The following CAST variants were observed in gnomAD, a reference collection of about 807,000 sequenced individuals.
CAST encodes MIR583 host.
In CAST, 76 loss-of-function variants were observed where a neutral mutation model predicts 119.6. That is an observed-to-expected ratio of 0.64 (90% CI 0.53 to 0.77). The LOEUF (loss-of-function observed/expected upper bound fraction) is 0.77, where lower values mean the gene tolerates loss of function less well. Ranked by LOEUF, CAST falls within the 30% of genes least tolerant of loss-of-function variation. The probability of loss-of-function intolerance (pLI) is 0.00; values close to 1 mark genes in which losing one functional copy is unlikely to be tolerated. For synonymous variants in CAST, 319 were observed against 331.6 expected (o/e 0.96, Z 0.41); for missense variants, 953 against 946.5 (o/e 1.01, Z -0.09).
chr5:96,637,011 G>T (rs1259879588), intron 1 of CAST, among the ~76,000 whole-genome samples: 1 of 152,174 alleles, frequency 6.6e-6, no homozygotes, highest in Non-Finnish European at 1.5e-5. Flanking sequence ...CCCCTCTGGG[G>T]TTCCCTCTCT....
At chr5:96,256,710 CGAA>C in the CAST span, among the ~76,000 whole-genome samples, 1 of 151,568 alleles carries the variant, frequency 6.6e-6, no homozygotes, top group Non-Finnish European at 1.5e-5. Context: ...TGCAGTTGAT[CGAA>C]ATGTCATTAG....
chr5:96,289,389 C>T, the CAST span, among the ~76,000 whole-genome samples: 1 of 151,978 alleles, frequency 6.6e-6, no homozygotes. Flanking sequence ...CCCATAATGC[C>T]CACGTGTTGT....
chr5:96,707,152 A>C (rs189703769), intron 3 of CAST, among the ~76,000 whole-genome samples: 2 of 152,204 alleles, frequency 1.3e-5, no homozygotes, highest in Non-Finnish European at 2.9e-5. Flanking sequence ...TGGTAAATAC[A>C]TCTCCTTAGC....
chr5:96,276,527 A>T, the CAST span, among the ~76,000 whole-genome samples: 1 of 152,314 alleles, frequency 6.6e-6, no homozygotes, highest in African/African-American at 2.4e-5. Context: ...TGGTAAAAAA[A>T]TGTGTTCTAG....
chr5:96,663,141 C>T (rs1267130633), intron 1 of CAST: 1 of 702,632 alleles, frequency 1.4e-6, no homozygotes, highest in African/African-American at 1.7e-5. Flanking sequence ...GTTGCCATGG[C>T]ATTCGCCAGC....
chr5:95,999,873 A>G, the CAST span, among the ~76,000 whole-genome samples: 16 of 152,338 alleles, frequency 1.1e-4, no homozygotes, highest in African/African-American at 3.8e-4. Flanking sequence ...TCCACTAACA[A>G]CATATAAGAG....
At chr5:96,610,793 C>T (rs991136794) in intron 1 of CAST, among the ~76,000 whole-genome samples, 2 of 151,962 alleles carry the variant, frequency 1.3e-5, no homozygotes, top group Non-Finnish European at 2.9e-5. Context: ...CAAAAGAATC[C>T]CAGACCTGAT....
At chr5:96,287,363 C>T in the CAST span, among the ~76,000 whole-genome samples, 16 of 151,972 alleles carry the variant, frequency 1.1e-4, no homozygotes, top group Admixed American at 2.6e-4. Context: ...GGCCTTTGAG[C>T]GGTATTTACA....
At chr5:96,325,160 C>G in the CAST span, among the ~76,000 whole-genome samples, 1 of 152,066 alleles carries the variant, frequency 6.6e-6, no homozygotes, top group Non-Finnish European at 1.5e-5. Context: ...CCTGAGATCA[C>G]ACCACTCCAC....
At chr5:96,228,594 C>A in the CAST span, among the ~76,000 whole-genome samples, 1 of 152,136 alleles carries the variant, frequency 6.6e-6, no homozygotes, top group Non-Finnish European at 1.5e-5. Flanking sequence ...TGCTAATACG[C>A]ATAAATTTTA....
the CAST span, among the ~76,000 whole-genome samples, chr5:96,020,245 A>G: frequency 6.6e-6 from 1 of 152,210 alleles, no homozygotes; most frequent in African/African-American, 2.4e-5. Flanking sequence ...TTTTAAGCCA[A>G]TATAAGCTTA....
intron 25 of CAST, among the ~76,000 whole-genome samples, chr5:96,764,606 G>A (rs1769174120): frequency 6.6e-6 from 1 of 152,112 alleles, no homozygotes; most frequent in Non-Finnish European, 1.5e-5. Flanking sequence ...TGTCTCTGGG[G>A]TTTTGTGCTT....
chr5:96,447,724 T>C, the CAST span, among the ~76,000 whole-genome samples: 1 of 152,188 alleles, frequency 6.6e-6, no homozygotes, highest in African/African-American at 2.4e-5. Context: ...AAGTATATGT[T>C]ACCCCTTGGA....
At chr5:96,336,275 C>T in the CAST span, among the ~76,000 whole-genome samples, 3 of 152,254 alleles carry the variant, frequency 2.0e-5, no homozygotes, top group Admixed American at 2.0e-4. Context: ...GCACATTTAC[C>T]AATAAATATG....
the CAST span, among the ~76,000 whole-genome samples, chr5:96,367,627 C>T: frequency 6.6e-5 from 10 of 152,184 alleles, no homozygotes; most frequent in East Asian, 1.9e-4. Context: ...CCGTGCCAGG[C>T]GCGGGATATA....
chr5:96,496,426 A>T, the CAST span, among the ~76,000 whole-genome samples: 1 of 152,218 alleles, frequency 6.6e-6, no homozygotes, highest in Admixed American at 6.5e-5. Flanking sequence ...ACCCTGTTAC[A>T]TCAAGATAGA....
At chr5:96,324,321 A>T in the CAST span, among the ~76,000 whole-genome samples, 3 of 152,236 alleles carry the variant, frequency 2.0e-5, no homozygotes, top group African/African-American at 7.2e-5. Flanking sequence ...TAATATTCAC[A>T]AGAGACTCCA....
chr5:96,032,424 A>G, the CAST span, among the ~76,000 whole-genome samples: 4 of 152,096 alleles, frequency 2.6e-5, no homozygotes, highest in Non-Finnish European at 5.9e-5. Flanking sequence ...TGTGGAGGAG[A>G]TTTGATTTAA....
the CAST span, among the ~76,000 whole-genome samples, chr5:96,041,017 G>A: frequency 6.6e-6 from 1 of 152,066 alleles, no homozygotes; most frequent in Non-Finnish European, 1.5e-5. Flanking sequence ...TTTTTGGTTG[G>A]TAGGCTATTA....
Sources: allele counts gnomAD v4.1 joint callset (sites outside exome capture counted in the v4.1 genomes callset), GRCh38; gene constraint gnomAD v4.1.1; transcripts MANE v1.5; gene names NCBI Gene and HGNC (gene_info 2026-07-23, HGNC 2026-07-21).